ANKS1B: variants seen among roughly 807,000 people sequenced by gnomAD.
The protein encoded by ANKS1B is ankyrin repeat and sterile alpha motif domain-containing protein 1B.
A neutral mutation model predicts 148.3 loss-of-function variants in ANKS1B; 36 were observed. That is an observed-to-expected ratio of 0.24 (90% CI 0.19 to 0.32). ANKS1B has a LOEUF of 0.32. Among genes scored for constraint, ANKS1B ranks in the 10% least tolerant of loss-of-function variants. The pLI is 1.00. For missense variants in ANKS1B, 1,157 were observed against 1,542.6 expected, an observed-to-expected ratio of 0.75 and a Z score of 4.19; for synonymous variants, 542 against 560.8, an observed-to-expected ratio of 0.97 and a Z score of 0.47.
In ANKS1B at chr12:98,868,075, CTGTT is replaced by C. The variant is rs532309372; in HGVS notation, c.2779-35943_2779-35940del. 3.2e-4 allele frequency among the ~76,000 whole-genome samples: 48 copies of C among 152,298 alleles called. No homozygotes were observed. The East Asian group carries it at 6.8e-3, about 21-fold the overall frequency. ...AAACACCTCCATCTGACTGTCTCCT[CTGTT>C]TGTCTATCAAACCACTGATTAAAAC... is the stretch of plus-strand genomic sequence containing the variant. On this transcript the variant is annotated intron_variant, in intron 17 of 26. Transcript: ENST00000683438.
At chr12:99,173,078 T>C (rs2077967775) in intron 14 of ANKS1B, among the ~76,000 whole-genome samples, 1 of 152,150 alleles carries the variant, frequency 6.6e-6, no homozygotes, top group Non-Finnish European at 1.5e-5. Flanking sequence ...GAAACTCTGG[T>C]TCAGTTTTTA....
At chr12:99,340,583 C>T (rs2089743504) in intron 12 of ANKS1B, among the ~76,000 whole-genome samples, 2 of 151,638 alleles carry the variant, frequency 1.3e-5, no homozygotes, top group African/African-American at 4.8e-5. Flanking sequence ...GCCCCAGTAC[C>T]ATTAGTAATA....
chr12:99,913,251 G>A (rs935696429), intron 1 of ANKS1B, among the ~76,000 whole-genome samples: 3 of 151,982 alleles, frequency 2.0e-5, no homozygotes, highest in Admixed American at 2.0e-4. Context: ...AGATTCCTTT[G>A]AAAAATTAAT....
At chr12:99,854,290 G>A (rs914890967) in intron 1 of ANKS1B, among the ~76,000 whole-genome samples, 1 of 152,168 alleles carries the variant, frequency 6.6e-6, no homozygotes, top group African/African-American at 2.4e-5. Flanking sequence ...GGGATTACAG[G>A]TGGGAGCCAC....
intron 9 of ANKS1B, among the ~76,000 whole-genome samples, chr12:99,620,568 T>C (rs1330826901): frequency 1.3e-5 from 2 of 152,086 alleles, no homozygotes; most frequent in African/African-American, 4.8e-5. Flanking sequence ...AAATTTGAAA[T>C]TGAAAGGAAT....
intron 12 of ANKS1B, among the ~76,000 whole-genome samples, chr12:99,263,502 AATTT>A (rs2076136579): frequency 6.6e-6 from 1 of 152,080 alleles, no homozygotes. Flanking sequence ...CATTCTTGAG[AATTT>A]ATTTATCACT....
chr12:99,187,684 C>G (rs1265354759), intron 14 of ANKS1B, among the ~76,000 whole-genome samples: 1 of 152,142 alleles, frequency 6.6e-6, no homozygotes, highest in Non-Finnish European at 1.5e-5. Context: ...ATAAGAGCTC[C>G]TGAAGGAAGC....
intron 9 of ANKS1B, among the ~76,000 whole-genome samples, chr12:99,576,940 T>G (rs1439025728): frequency 6.6e-6 from 1 of 151,934 alleles, no homozygotes; most frequent in Non-Finnish European, 1.5e-5. Flanking sequence ...TAGACCCTAG[T>G]GTCTACTGTT....
At chr12:99,424,013 AATTG>A (rs775782115) in intron 11 of ANKS1B, among the ~76,000 whole-genome samples, 3 of 152,148 alleles carry the variant, frequency 2.0e-5, no homozygotes, top group African/African-American at 4.8e-5. Flanking sequence ...AAAGATTATG[AATTG>A]ATTAACTTCT....
At chr12:99,751,302 C>T (rs935404958) in intron 8 of ANKS1B, among the ~76,000 whole-genome samples, 1 of 151,658 alleles carries the variant, frequency 6.6e-6, no homozygotes, top group African/African-American at 2.4e-5. Context: ...TTAAAATAAA[C>T]AAAAAATAAA....
chr12:99,458,062 A>G (rs1011326057), intron 10 of ANKS1B, among the ~76,000 whole-genome samples: 6 of 152,240 alleles, frequency 3.9e-5, no homozygotes, highest in Admixed American at 3.9e-4. Flanking sequence ...GAAACTCAAA[A>G]TCATAGCAAG....
chr12:99,413,913 C>T (rs897473868), intron 11 of ANKS1B, among the ~76,000 whole-genome samples: 1 of 152,016 alleles, frequency 6.6e-6, no homozygotes, highest in African/African-American at 2.4e-5. Context: ...GGCCCTCACC[C>T]GGTGCACCAC....
intron 12 of ANKS1B, among the ~76,000 whole-genome samples, chr12:99,316,450 T>C (rs1429451081): frequency 1.3e-5 from 2 of 152,234 alleles, no homozygotes; most frequent in Non-Finnish European, 2.9e-5. Context: ...CATGTGTCTG[T>C]TGGGGGCATA....
rs147951432 is a variant in ANKS1B at position 98,783,491 on chromosome 12, G to A, written c.3343-1354C>T. Among the ~76,000 whole-genome samples the A allele has an allele frequency of 1.0e-3, 155 of 152,310 alleles. 1 individual carries two copies. Among genetic ancestry groups the A allele is most frequent in the South Asian group, 1.9e-3 (9 of 4,826 alleles). On this transcript the variant is annotated intron_variant, in intron 22 of 26. Transcript: ENST00000683438. The stretch of plus-strand genomic sequence containing the variant: ...TTGACAAATGTGACAGGAGCAATAT[G>A]AACAACATGCCTCCAGGATAGTGAA...
chr12:99,935,535 C>T (rs1378559144), intron 1 of ANKS1B, among the ~76,000 whole-genome samples: 4 of 151,992 alleles, frequency 2.6e-5, no homozygotes, highest in South Asian at 4.2e-4. Context: ...CTTTTAACAT[C>T]ACTGGTTGCT....
chr12:98,760,417 C>T (rs2098379216), intron 25 of ANKS1B, among the ~76,000 whole-genome samples: 1 of 152,104 alleles, frequency 6.6e-6, no homozygotes, highest in African/African-American at 2.4e-5. Context: ...GGTAATGTGT[C>T]ATCACACCTG....
At chr12:98,845,922 A>G (rs974506588) in intron 17 of ANKS1B, among the ~76,000 whole-genome samples, 4 of 151,896 alleles carry the variant, frequency 2.6e-5, no homozygotes, top group African/African-American at 9.7e-5. Context: ...ATGGTTAAAA[A>G]GATACTTTTT....
At chr12:98,928,541 T>C (rs1396435059) in intron 17 of ANKS1B, among the ~76,000 whole-genome samples, 2 of 151,958 alleles carry the variant, frequency 1.3e-5, no homozygotes, top group Non-Finnish European at 2.9e-5. Flanking sequence ...CTAGAAAATA[T>C]CAGCAATCTG....
At chr12:99,828,842 G>T (rs1047334362) in intron 1 of ANKS1B, among the ~76,000 whole-genome samples, 1 of 152,046 alleles carries the variant, frequency 6.6e-6, no homozygotes, top group Non-Finnish European at 1.5e-5. Flanking sequence ...AATTAGCCAG[G>T]TGTGGTGGCG....
Sources: gnomAD v4.1 joint callset for allele counts (sites outside exome capture counted in the v4.1 genomes callset) on GRCh38, gnomAD v4.1.1 for gene constraint, MANE v1.5 for transcripts, NCBI Gene and HGNC (gene_info 2026-07-23, HGNC 2026-07-21) for gene names.